HM13: variants seen among roughly 807,000 people sequenced by gnomAD.
HM13 encodes histocompatibility minor 13, also known as signal peptide peptidase.
HM13 carries 18 observed loss-of-function variants against 50.0 expected under a neutral mutation model. The observed-to-expected ratio is 0.36, with a 90% CI of 0.25 to 0.53. HM13 has a LOEUF of 0.53. Ranked by LOEUF, HM13 falls within the 20% of genes least tolerant of loss-of-function variation. HM13 has a pLI of 0.90. For synonymous variants in HM13, 197 were observed against 232.6 expected (o/e 0.85, Z 1.39); for missense variants, 393 against 552.4 (o/e 0.71, Z 2.89).
At chr20:31,555,952 AGAGT>A (rs1455374595) in intron 8 of HM13, among the ~76,000 whole-genome samples, 2 of 151,980 alleles carry the variant, frequency 1.3e-5, no homozygotes, top group Non-Finnish European at 2.9e-5. Flanking sequence ...CTTGGGTGAC[AGAGT>A]GAGACCCTGT....
intron 10 of HM13, among the ~76,000 whole-genome samples, chr20:31,565,117 G>C (rs1413114178): frequency 2.1e-5 from 3 of 146,330 alleles, no homozygotes; most frequent in Non-Finnish European, 4.5e-5. Flanking sequence ...AGTGAGCCAA[G>C]ATCACACCAC....
intron 7 of HM13, 150 bp from the exon 8 acceptor site, chr20:31,554,596 G>A: frequency 1.7e-6 from 1 of 592,644 alleles, no homozygotes; most frequent in Non-Finnish European, 3.0e-6. Flanking sequence ...GCGGGAGAAT[G>A]GCATGAACCC....
chr20:31,566,266 G>A lies in HM13; in HGVS notation c.1005G>A (p.Leu335=). Reference sequence around the variant, plus strand: ...TCGGTTTTCCTGTCCTGGTGGCGCTGGCCAAGGGAGAAGTGACAGAGATGT... The same window carrying A: ...TCGGTTTTCCTGTCCTGGTGGCGCTAGCCAAGGGAGAAGTGACAGAGATGT... ...ACIGFPVLVA[L]AKGEVTEMFS... Residue 335 remains leucine, a synonymous_variant, in exon 11 of 13, where the codon CTG becomes CTA. Coordinates refer to ENST00000398174, the MANE Select transcript of HM13 (RefSeq NM_178581.3). 6.2e-7 allele frequency: 1 copy of A among 1,614,052 alleles called. No homozygotes were observed.
At chr20:31,556,557 G>T (rs1984323725) in intron 8 of HM13, among the ~76,000 whole-genome samples, 2 of 152,170 alleles carry the variant, frequency 1.3e-5, no homozygotes, top group East Asian at 1.9e-4. Flanking sequence ...TAAAGGGAAT[G>T]ATACAAATTC....
chr20:31,537,595 A>G (rs1600638235), intron 2 of HM13, among the ~76,000 whole-genome samples: 1 of 152,256 alleles, frequency 6.6e-6, no homozygotes. Flanking sequence ...TGACTGGAGC[A>G]TTGTGACAGA....
At chr20:31,564,405 A>C (rs1486579790) in intron 10 of HM13, among the ~76,000 whole-genome samples, 4 of 152,076 alleles carry the variant, frequency 2.6e-5, no homozygotes, top group Admixed American at 2.6e-4. Flanking sequence ...GGTGACAACC[A>C]GTCTCTACAA....
intron 9 of HM13, among the ~76,000 whole-genome samples, chr20:31,560,575 G>A (rs1213756290): frequency 6.6e-6 from 1 of 152,210 alleles, no homozygotes; most frequent in African/African-American, 2.4e-5. Context: ...TGTAAGTAGA[G>A]GGATGTCTGT....
intron 1 of HM13, among the ~76,000 whole-genome samples, chr20:31,517,140 G>A (rs529387858): frequency 6.6e-6 from 1 of 152,206 alleles, no homozygotes; most frequent in East Asian, 1.9e-4. Context: ...GAGTTAGTGT[G>A]GGGACCCAGT....
At chr20:31,533,443 TGTG>T (rs1982932380) in intron 2 of HM13, among the ~76,000 whole-genome samples, 1 of 152,220 alleles carries the variant, frequency 6.6e-6, no homozygotes, top group South Asian at 2.1e-4. Flanking sequence ...AGGCAGAGGT[TGTG>T]GTGAGCCGAG....
intron 4 of HM13, chr20:31,548,504 TAGAA>T (rs771146599): frequency 1.5e-4 from 27 of 184,498 alleles, no homozygotes; most frequent in Non-Finnish European, 2.6e-4. Context: ...GGTGGCAAAG[TAGAA>T]AGATTCCAGA....
At chr20:31,538,545 CAG>C in intron 3 of HM13, 2 of 1,377,948 alleles carry the variant, frequency 1.5e-6, no homozygotes, top group Non-Finnish European at 1.9e-6. Context: ...TTAGTTGTGA[CAG>C]TACTCAGGTG....
chr20:31,553,289 C>G (rs529577290), intron 7 of HM13, among the ~76,000 whole-genome samples: 145 of 117,254 alleles, frequency 1.2e-3, no homozygotes, highest in African/African-American at 3.5e-3. Flanking sequence ...GAGCGAGACT[C>G]CATCTCAAAA....
chr20:31,525,472 G>A (rs1174709903), intron 1 of HM13, among the ~76,000 whole-genome samples: 1 of 152,188 alleles, frequency 6.6e-6, no homozygotes, highest in Admixed American at 6.5e-5. Flanking sequence ...TTGCAAGATG[G>A]ATATGGTGAT....
chr20:31,531,830 G>A (rs529229871), intron 2 of HM13, among the ~76,000 whole-genome samples: 1 of 152,236 alleles, frequency 6.6e-6, no homozygotes, highest in South Asian at 2.1e-4. Flanking sequence ...ACATGGTGGT[G>A]CAGGCTTATA....
At chr20:31,530,411 A>G (rs1163932175) in intron 2 of HM13, among the ~76,000 whole-genome samples, 2 of 129,040 alleles carry the variant, frequency 1.5e-5, no homozygotes, top group Non-Finnish European at 3.0e-5. Context: ...CCATTCTTTC[A>G]TTCTTTTTTT....
intron 8 of HM13, among the ~76,000 whole-genome samples, chr20:31,556,656 G>A (rs1278930734): frequency 6.6e-6 from 1 of 152,186 alleles, no homozygotes; most frequent in Non-Finnish European, 1.5e-5. Context: ...CCTTACAGCA[G>A]CACTAGCAGT....
At chr20:31,566,903 C>A (rs958193554) in intron 11 of HM13, among the ~76,000 whole-genome samples, 7 of 152,146 alleles carry the variant, frequency 4.6e-5, no homozygotes, top group Admixed American at 1.3e-4. Context: ...CAGGTGTCTG[C>A]CCCCAGCACT....
chr20:31,548,935 G>A (rs1197620058), intron 4 of HM13, 94 bp from the exon 5 acceptor site: 1 of 1,077,796 alleles, frequency 9.3e-7, no homozygotes. Context: ...ACCTCTCACA[G>A]TGCCCACAGC....
intron 1 of HM13, among the ~76,000 whole-genome samples, chr20:31,519,143 C>G (rs1216097827): frequency 6.6e-6 from 1 of 152,106 alleles, no homozygotes; most frequent in East Asian, 1.9e-4. Context: ...ACTCTGTCAC[C>G]CAGGCTGGAG....
Sources: gnomAD v4.1 joint callset for allele counts (sites outside exome capture counted in the v4.1 genomes callset) on GRCh38, gnomAD v4.1.1 for gene constraint, MANE v1.5 for transcripts, NCBI Gene and HGNC (gene_info 2026-07-23, HGNC 2026-07-21) for gene names.